The following MICB variants were observed in gnomAD, a reference collection of about 807,000 sequenced individuals.
MICB encodes MHC class I antigen-related protein B.
Under a neutral mutation model 34.3 loss-of-function variants are expected in MICB, and 27 were observed. The ratio of observed to expected loss-of-function variants is 0.79; its 90% CI spans 0.58 to 1.08. MICB has a LOEUF of 1.08. MICB is among the 50% of genes least tolerant of loss of function. The pLI is 0.00. For synonymous variants in MICB, 153 were observed against 187.4 expected, an observed-to-expected ratio of 0.82 and a Z score of 1.50; for missense variants, 426 against 483.1, an observed-to-expected ratio of 0.88 and a Z score of 1.11.
intron 1 of MICB, among the ~76,000 whole-genome samples, chr6:31,504,853 A>G (rs1304474608): frequency 6.6e-6 from 1 of 152,136 alleles, no homozygotes; most frequent in African/African-American, 2.4e-5. Context: ...TAATTTTTGT[A>G]TATAGTACAA....
In MICB at chr6:31,505,702, T is replaced by C. The variant is rs1765271325; in HGVS notation, c.156T>C (p.Asp52=). 1 of 1,613,082 alleles carries C rather than the reference T, an allele frequency of 6.2e-7. No homozygotes were observed. The highest frequency in any genetic ancestry group is 8.5e-7 in the Non-Finnish European group (1 of 1,180,028). The change falls in exon 2 of 6, where the codon GAT becomes GAC. Residue 52 remains aspartate (D), a synonymous_variant. Transcript: ENST00000252229. ...GGTTTCTCGCTGAGGGACATCTGGA[T>C]GGTCAGCCCTTCCTGCGCTATGACA... ...QSGFLAEGHL[D]GQPFLRYDRQ...
In MICB at chr6:31,507,669, G is replaced by T; in HGVS notation, c.1024+138G>T. On this transcript the variant is annotated intron_variant, in intron 5 of 5. Coordinates refer to ENST00000252229, the MANE Select transcript of MICB (RefSeq NM_005931.5). This position sits in a 1 kb window ranked among gnomAD's most constrained non-coding sequence, Gnocchi z 6.0. The stretch of plus-strand genomic sequence containing the variant: ...ATGGAAGCTGGGGTATTTGGGAGGG[G>T]AATGGGAGCTGCATCTCCATCTACA... The T allele has an allele frequency of 1.6e-5, 16 of 994,764 alleles. No homozygotes were observed. Among genetic ancestry groups the T allele is most frequent in the Non-Finnish European group, 2.3e-5 (16 of 691,224 alleles). 61.6% of individuals were successfully genotyped at this position (994,764 alleles called of 1,614,324 possible).
In MICB at chr6:31,510,676, G is replaced by T. The variant is rs767709278; in HGVS notation, c.*767G>T. ...TTCTCGTACCTCAGACTCCCGAATA[G>T]CTGGGATTACAGACAGGCACCACCA... is the stretch of plus-strand genomic sequence containing the variant. On this transcript the variant is annotated 3_prime_UTR_variant, in exon 6 of 6. Coordinates refer to ENST00000252229, the MANE Select transcript of MICB (RefSeq NM_005931.5). 6.6e-6 allele frequency: 1 copy of T among 152,050 alleles called. No homozygotes were observed. Among genetic ancestry groups the T allele is most frequent in the Non-Finnish European group, 1.5e-5 (1 of 68,044 alleles). The allele number at this position is 152,050 out of a possible 1,614,324, so 9.4% of individuals were successfully genotyped here.
chr6:31,498,302 C>A, intron 1 of MICB, 39 bp downstream of exon 1: 1 of 1,499,034 alleles, frequency 6.7e-7, no homozygotes, highest in Non-Finnish European at 8.9e-7. Context: ...GGAGCGGGAG[C>A]GGCGGGGCGT....
intron 1 of MICB, among the ~76,000 whole-genome samples, chr6:31,499,547 CCGGG>C (rs1032029643): frequency 8.8e-6 from 1 of 113,204 alleles, no homozygotes; most frequent in African/African-American, 3.2e-5. Context: ...TGCCTTTTGT[CCGGG>C]GGGGTCTTCC....
At position 31,498,251 on chromosome 6, in the gene MICB, G is replaced by A. The variant is rs766342927; in HGVS notation, c.58G>A (p.Ala20Thr). Residue 20 changes from alanine to threonine, a missense_variant, in exon 1 of 6, where the codon GCA (alanine) becomes ACA (threonine). Ala to Thr is a moderately conservative substitution (Grantham distance 58, BLOSUM62 0). Coordinates refer to ENST00000252229, the MANE Select transcript of MICB (RefSeq NM_005931.5). The stretch of plus-strand genomic sequence containing the variant: ...CGTCGCCTTCCCTTTTGCACCCCCG[G>A]CAGCCGCCGCTGGTGAGTGGGGTTC... Reference protein sequence around the residue: ...LAVAFPFAPPAAAAEPHSLRY... With the variant: ...LAVAFPFAPPTAAAEPHSLRY... 7.0e-6 allele frequency: 11 copies of A among 1,573,156 alleles called. No individual in the cohort carries two copies. The African/African-American group carries it at 1.4e-4, about 19-fold the overall frequency.
intron 1 of MICB, among the ~76,000 whole-genome samples, chr6:31,504,975 AGCTGGTCCATCC>A (rs1408153470): frequency 6.6e-6 from 1 of 152,134 alleles, no homozygotes; most frequent in Non-Finnish European, 1.5e-5. Context: ...AGTGGACACT[AGCTGGTCCATCC>A]AATTGCTGTC....
chr6:31,504,254 CTTTTTTT>C (rs9281513), intron 1 of MICB, among the ~76,000 whole-genome samples: 3 of 60,268 alleles, frequency 5.0e-5, no homozygotes, highest in Admixed American at 2.8e-4. Context: ...CTCTCTTTTT[CTTTTTTT>C]TTTTTTTTTT....
chr6:31,509,741 C>G (rs1488560141), intron 5 of MICB, 41 bp from the exon 6 acceptor site: 1 of 1,576,460 alleles, frequency 6.3e-7, no homozygotes, highest in Non-Finnish European at 8.6e-7. Flanking sequence ...AAACACAACA[C>G]TGCACCCAGT....
Position 31,510,115 on chromosome 6 carries a change from G to T in MICB, c.*206G>T. On this transcript the variant is annotated 3_prime_UTR_variant, in exon 6 of 6. Transcript: ENST00000252229. ...ATCATGACCAACTCAACATTCCATT[G>T]GAGGCTATATGATCAAACAGCAAAT... 1 of 480,460 alleles carries T rather than the reference G, an allele frequency of 2.1e-6. No individual in the cohort carries two copies. Among genetic ancestry groups the T allele is most frequent in the Non-Finnish European group, 3.5e-6 (1 of 282,780 alleles). The allele number at this position is 480,460 out of a possible 1,614,324, so 29.8% of individuals were successfully genotyped here.
chr6:31,509,706 G>A (rs1021568880), intron 5 of MICB, 76 bp from the exon 6 acceptor site: 61 of 1,463,922 alleles, frequency 4.2e-5, no homozygotes, highest in Non-Finnish European at 5.3e-5. Context: ...TGGGGCAACT[G>A]AAGAGAGAAA....
At position 31,503,926 on chromosome 6, in the gene MICB, T is replaced by C. The variant is rs189694728; in HGVS notation, c.71-1691T>C. 4.6e-3 allele frequency among the ~76,000 whole-genome samples: 670 copies of C among 146,828 alleles called. 8 individuals are homozygous for C. The highest frequency in any genetic ancestry group is 0.017 in the African/African-American group (657 of 39,080). ...GAAGCAGTATACAGGGGCTTCAGTT[T>C]CTCTACCTCCTTGCCAAACTTGCTG... On this transcript the variant is annotated intron_variant, in intron 1 of 5. Transcript: ENST00000252229.
upstream of MICB, chr6:31,497,943 C>T: frequency 3.2e-6 from 1 of 308,792 alleles, no homozygotes; most frequent in Admixed American, 5.2e-5. Flanking sequence ...CGCTCGCGCA[C>T]GCTCCCCCTT....
intron 1 of MICB, among the ~76,000 whole-genome samples, chr6:31,501,133 G>A (rs1764999169): frequency 6.6e-6 from 1 of 152,040 alleles, no homozygotes; most frequent in South Asian, 2.1e-4. Context: ...GTTTATCTGG[G>A]GTGGGATGAT....
Position 31,509,893 on chromosome 6 carries a change from C to G in MICB, c.1136C>G (p.Ser379Cys). Residue 379 changes from serine to cysteine, a missense_variant, in exon 6 of 6, where the codon TCC (serine) becomes TGC (cysteine). Coordinates refer to ENST00000252229, the MANE Select transcript of MICB (RefSeq NM_005931.5). ...ATGTCAGCTACTGGGTCCACTGGTTCCACTGAGGGCACCTAGACTCTACAG... is the reference window on the plus strand; with the variant it reads ...ATGTCAGCTACTGGGTCCACTGGTTGCACTGAGGGCACCTAGACTCTACAG... ...PLMSATGSTG[S>C]TEGT is the part of the protein sequence containing the mutation. 1 of 1,611,886 alleles carries G rather than the reference C, an allele frequency of 6.2e-7. No individual in the cohort carries two copies. The highest frequency in any genetic ancestry group is 8.5e-7 in the Non-Finnish European group (1 of 1,178,704).
At position 31,510,909 on chromosome 6, in the gene MICB, T is replaced by C. The variant is rs1002216449; in HGVS notation, c.*1000T>C. The stretch of plus-strand genomic sequence containing the variant: ...ACCATGCCTGTCCTATTTTCTTATG[T>C]TTTAATATATTTTAATATATTACAT... On this transcript the variant is annotated 3_prime_UTR_variant, in exon 6 of 6. Coordinates refer to ENST00000252229, the MANE Select transcript of MICB (RefSeq NM_005931.5). The C allele has an allele frequency of 3.3e-5, 5 of 152,148 alleles. No homozygotes were observed. Among genetic ancestry groups the C allele is most frequent in the Non-Finnish European group, 5.9e-5 (4 of 68,030 alleles). The allele number at this position is 152,148 out of a possible 1,614,324, so 9.4% of individuals were successfully genotyped here. A position where few individuals can be genotyped will look rare whatever the true frequency, so the allele number is the denominator to read the frequency against.
chr6:31,505,491 C>G (rs542242896), intron 1 of MICB, 126 bp from the exon 2 acceptor site: 407 of 1,358,296 alleles, frequency 3.0e-4, no homozygotes, highest in Non-Finnish European at 3.7e-4. Flanking sequence ...AATCTTCGTT[C>G]TTGTCCTTTT....
chr6:31,494,984 C>T (rs1289928417), upstream of MICB: 1 of 77,096 alleles, frequency 1.3e-5, no homozygotes, highest in African/African-American at 4.9e-5. Context: ...CTCGTGAGTC[C>T]AGGGATCTAA....
At chr6:31,498,045 A>C, upstream of MICB, 1 of 448,870 alleles carries the variant, frequency 2.2e-6, no homozygotes, top group South Asian at 2.2e-5. Context: ...CTCTCCACTC[A>C]TGATTGGCCC....
Sources: gnomAD v4.1 joint callset for allele counts (sites outside exome capture counted in the v4.1 genomes callset) on GRCh38, gnomAD v4.1.1 for gene constraint, Gnocchi (gnomAD v3.1) non-coding constraint, MANE v1.5 for transcripts, NCBI Gene and HGNC (gene_info 2026-07-23, HGNC 2026-07-21) for gene names.